WFDC9: variants seen among roughly 807,000 people sequenced by gnomAD.
The protein encoded by WFDC9 is WAP four-disulfide core domain 9.
A neutral mutation model predicts 9.5 loss-of-function variants in WFDC9; 9 were observed. The ratio of observed to expected loss-of-function variants is 0.95; its 90% CI spans 0.57 to 1.65. WFDC9 has a LOEUF of 1.65. Ranked by LOEUF, WFDC9 falls within the 40% of genes most tolerant of loss-of-function variation. The pLI is 0.00. For synonymous variants in WFDC9, 33 were observed against 32.3 expected, an observed-to-expected ratio of 1.02 and a Z score of -0.07; for missense variants, 87 against 106.7, an observed-to-expected ratio of 0.82 and a Z score of 0.81.
chr20:45,615,362 G>A (rs914818656), intron 1 of WFDC9, among the ~76,000 whole-genome samples: 4 of 152,160 alleles, frequency 2.6e-5, no homozygotes, highest in Non-Finnish European at 5.9e-5. Context: ...TGAGAAAAGA[G>A]AACAGTCAAG....
At chr20:45,618,877 A>G (rs909644459) in intron 1 of WFDC9, among the ~76,000 whole-genome samples, 1 of 152,252 alleles carries the variant, frequency 6.6e-6, no homozygotes, top group African/African-American at 2.4e-5. Flanking sequence ...GATTTGCTCA[A>G]TGCAGGGTTG....
At position 45,608,833 on chromosome 20, in the gene WFDC9, G is replaced by A. The variant is rs200118844; in HGVS notation, c.92-23C>T. 9.3e-5 allele frequency: 148 copies of A among 1,597,234 alleles called. No homozygotes were observed. The African/African-American group carries it at 1.9e-3, about 20-fold the overall frequency. On this transcript the variant is annotated intron_variant, in intron 3 of 4. Transcript: ENST00000326000. Reference sequence around the variant, plus strand: ...GAACTGAGATGGAAGAAGTTAGCAGGGTCCGTCTATTCACAACTCAGACAA... The same window carrying A: ...GAACTGAGATGGAAGAAGTTAGCAGAGTCCGTCTATTCACAACTCAGACAA...
Position 45,629,108 on chromosome 20 carries a change from T to C in WFDC9, c.-153+2095A>G, listed in dbSNP as rs147668628. On this transcript the variant is annotated intron_variant, in intron 1 of 4. Transcript: ENST00000326000. ...TAGTCTCTCTTTCTGTGTGTTTATG[T>C]GTGTTTAAATTTGTATATGTATATC... Among the ~76,000 whole-genome samples the C allele has an allele frequency of 7.4e-4, 113 of 152,354 alleles. 2 individuals are homozygous for C. The highest frequency in any genetic ancestry group is 2.7e-3 in the African/African-American group (112 of 41,588).
chr20:45,629,797 A>G, intron 1 of WFDC9: 1 of 1,612,128 alleles, frequency 6.2e-7, no homozygotes, highest in Non-Finnish European at 8.5e-7. Flanking sequence ...CATAGGGCTC[A>G]CGATCTGATC....
chr20:45,622,124 C>T (rs947400847), intron 1 of WFDC9, among the ~76,000 whole-genome samples: 10 of 148,136 alleles, frequency 6.8e-5, no homozygotes, highest in Non-Finnish European at 1.2e-4. Context: ...TTTATTGTGC[C>T]CTCATAGTTC....
chr20:45,626,434 G>T (rs1008381546), intron 1 of WFDC9, among the ~76,000 whole-genome samples: 2 of 152,152 alleles, frequency 1.3e-5, no homozygotes, highest in Non-Finnish European at 2.9e-5. Context: ...AGCATGGGAA[G>T]TTTTTCCATT....
At chr20:45,618,775 A>C (rs1370313910) in intron 1 of WFDC9, among the ~76,000 whole-genome samples, 1 of 152,248 alleles carries the variant, frequency 6.6e-6, no homozygotes, top group East Asian at 1.9e-4. Flanking sequence ...TGATAAGAAT[A>C]ATAATAATAA....
At position 45,610,090 on chromosome 20, in the gene WFDC9, C is replaced by T. The variant is rs1407163111; in HGVS notation, c.91+1G>A. 2 of 1,613,852 alleles carry T rather than the reference C, an allele frequency of 1.2e-6. No homozygotes were observed. Among genetic ancestry groups the T allele is most frequent in the East Asian group, 2.2e-5 (1 of 44,874 alleles). On this transcript the variant is annotated splice_donor_variant, in intron 3 of 4. Coordinates refer to ENST00000326000, the MANE Select transcript of WFDC9 (RefSeq NM_147198.4). LOFTEE classifies it high-confidence loss of function. ...ACCCCGTCCCTTTTCACACCACCCA[C>T]AGGGATCTTTGTTCCAGAAGCTTCC...
intron 1 of WFDC9, chr20:45,629,578 T>C (rs6073825): frequency 0.17 from 68,125 of 394,560 alleles, 6,566 homozygotes; most frequent in East Asian, 0.32. Context: ...ACAAGACTGG[T>C]TATGTGAAAG....
At chr20:45,629,143 GTT>G (rs954220142) in intron 1 of WFDC9, among the ~76,000 whole-genome samples, 26 of 152,084 alleles carry the variant, frequency 1.7e-4, no homozygotes, top group African/African-American at 6.3e-4. Flanking sequence ...CTGTGTATGT[GTT>G]TATATACATT....
At chr20:45,619,699 A>T (rs141057961) in intron 1 of WFDC9, among the ~76,000 whole-genome samples, 2,112 of 152,316 alleles carry the variant, frequency 0.014, 88 homozygotes, top group Admixed American at 0.098. Flanking sequence ...AATTGTATTG[A>T]TAGGCTTAAA....
intron 2 of WFDC9, among the ~76,000 whole-genome samples, chr20:45,614,169 C>G (rs1981923065): frequency 6.6e-6 from 1 of 152,152 alleles, no homozygotes; most frequent in Admixed American, 6.6e-5. Flanking sequence ...GTTCAGGAAT[C>G]TGAGGATGCC....
At chr20:45,629,850 T>C in intron 1 of WFDC9, 1 of 1,614,036 alleles carries the variant, frequency 6.2e-7, no homozygotes, top group Non-Finnish European at 8.5e-7. Flanking sequence ...CCTGGTTCTC[T>C]GTGTGCTGCT....
intron 1 of WFDC9, among the ~76,000 whole-genome samples, chr20:45,630,706 CA>C (rs1238854862): frequency 1.3e-5 from 2 of 151,976 alleles, no homozygotes; most frequent in Non-Finnish European, 2.9e-5. Context: ...AAAATATGAC[CA>C]ATCACTAGGA....
At chr20:45,621,661 A>T (rs1386255152) in intron 1 of WFDC9, among the ~76,000 whole-genome samples, 1 of 152,214 alleles carries the variant, frequency 6.6e-6, no homozygotes, top group African/African-American at 2.4e-5. Flanking sequence ...ACCAGCCCCC[A>T]ATAGAAACCT....
At chr20:45,629,150 T>C (rs1217268083) in intron 1 of WFDC9, among the ~76,000 whole-genome samples, 2 of 152,228 alleles carry the variant, frequency 1.3e-5, no homozygotes, top group Non-Finnish European at 2.9e-5. Context: ...TGTGTTTATA[T>C]ACATTTATAT....
intron 2 of WFDC9, among the ~76,000 whole-genome samples, chr20:45,611,150 C>T (rs923470843): frequency 1.3e-5 from 2 of 152,212 alleles, no homozygotes; most frequent in African/African-American, 4.8e-5. Context: ...ACAGAACCAG[C>T]TCATGATAGT....
At chr20:45,622,960 A>G (rs1308556556) in intron 1 of WFDC9, among the ~76,000 whole-genome samples, 1 of 152,098 alleles carries the variant, frequency 6.6e-6, no homozygotes, top group Non-Finnish European at 1.5e-5. Context: ...ACCTAAACAG[A>G]TTTGTATTGT....
intron 2 of WFDC9, among the ~76,000 whole-genome samples, chr20:45,611,919 A>G (rs1245420918): frequency 6.6e-6 from 1 of 152,142 alleles, no homozygotes; most frequent in African/African-American, 2.4e-5. Flanking sequence ...TTTAAGAGGA[A>G]AGAACATGGG....
Sources: allele counts gnomAD v4.1 joint callset (sites outside exome capture counted in the v4.1 genomes callset), GRCh38; gene constraint gnomAD v4.1.1; transcripts MANE v1.5; gene names NCBI Gene and HGNC (gene_info 2026-07-23, HGNC 2026-07-21).